The following SLC20A2 variants were observed in gnomAD, a reference collection of about 807,000 sequenced individuals.
SLC20A2 encodes the protein sodium-dependent phosphate transporter 2.
In SLC20A2, 30 loss-of-function variants were observed where a neutral mutation model predicts 61.0. The ratio of observed to expected loss-of-function variants is 0.49; its 90% CI spans 0.37 to 0.67. SLC20A2 has a LOEUF of 0.67. Among genes scored for constraint, SLC20A2 ranks in the 30% least tolerant of loss-of-function variants. The pLI is 0.00. For synonymous variants in SLC20A2, 351 were observed against 353.3 expected (o/e 0.99, Z 0.07); for missense variants, 626 against 866.4 (o/e 0.72, Z 3.48).
rs1300817466 is a variant in SLC20A2, at chr8:42,416,982, ACGGCGTGGCGCATGC to A, written c.*806_*820del. Reference sequence around the variant, plus strand: ...GGCGGTGGCACTGCTGGTGGGAGCCACGGCGTGGCGCATGCTGGGTGACGGTGTCACCGCCACACA... The same window carrying A: ...GGCGGTGGCACTGCTGGTGGGAGCCATGGGTGACGGTGTCACCGCCACACA... On this transcript the variant is annotated 3_prime_UTR_variant, in exon 11 of 11. Coordinates refer to ENST00000520262, the MANE Select transcript of SLC20A2 (RefSeq NM_001257180.2). 6.5e-6 allele frequency: 1 copy of A among 152,702 alleles called. No individual in the cohort carries two copies. Among genetic ancestry groups the A allele is most frequent in the Non-Finnish European group, 1.5e-5 (1 of 68,062 alleles). 9.5% of individuals were successfully genotyped at this position (152,702 alleles called of 1,614,324 possible). A position where few individuals can be genotyped will look rare whatever the true frequency, so the allele number is the denominator to read the frequency against.
At chr8:42,460,023 G>T in intron 4 of SLC20A2, 31 bp from the exon 5 acceptor site, 1 of 1,256,818 alleles carries the variant, frequency 8.0e-7, no homozygotes, top group Non-Finnish European at 1.2e-6. Context: ...AGAGTGGAAG[G>T]TCAGGATCCC....
chr8:42,436,465 G>A (rs1804264375), intron 8 of SLC20A2, among the ~76,000 whole-genome samples: 1 of 152,088 alleles, frequency 6.6e-6, no homozygotes, highest in African/African-American at 2.4e-5. Context: ...CCAGGCCGTC[G>A]TCCAAAGCCA....
intron 1 of SLC20A2, among the ~76,000 whole-genome samples, chr8:42,506,370 A>T (rs1051152904): frequency 1.3e-5 from 2 of 152,208 alleles, no homozygotes; most frequent in Non-Finnish European, 2.9e-5. Context: ...CCTCGCCTGT[A>T]AAATGGGGAT....
chr8:42,469,324 C>T (rs1019277725), intron 2 of SLC20A2, among the ~76,000 whole-genome samples: 2 of 151,026 alleles, frequency 1.3e-5, no homozygotes, highest in Non-Finnish European at 3.0e-5. Context: ...CATTTAACCA[C>T]ATACCAAAAA....
chr8:42,446,619 T>C (rs987051026), intron 5 of SLC20A2, among the ~76,000 whole-genome samples: 3 of 152,218 alleles, frequency 2.0e-5, no homozygotes, highest in African/African-American at 7.2e-5. Flanking sequence ...AGTTGTATGA[T>C]ATACACATGG....
rs764279442 is a variant in SLC20A2 at position 42,463,101 on chromosome 8, A to T, written c.431-11T>A. The T allele has an allele frequency of 4.1e-5, 52 of 1,275,324 alleles. No individual in the cohort carries two copies. Among genetic ancestry groups the T allele is most frequent in the Admixed American group, 7.0e-5 (3 of 42,884 alleles). The allele number at this position is 1,275,324 out of a possible 1,614,324, so 79.0% of individuals were successfully genotyped here. ...TAAACCAAGAAGCAACTGAATAATTAAAAAAAAAATCTAATGAATGTTAAA... is the reference window on the plus strand; with the variant it reads ...TAAACCAAGAAGCAACTGAATAATTTAAAAAAAAATCTAATGAATGTTAAA... On this transcript the variant is annotated splice_polypyrimidine_tract_variant and intron_variant, in intron 3 of 10. Transcript: ENST00000520262.
At chr8:42,434,807 G>C (rs1022530635) in intron 8 of SLC20A2, among the ~76,000 whole-genome samples, 1 of 152,152 alleles carries the variant, frequency 6.6e-6, no homozygotes, top group African/African-American at 2.4e-5. Flanking sequence ...CAATTCTACA[G>C]TCACCCCGAG....
chr8:42,478,644 A>G (rs2131263562), intron 1 of SLC20A2, among the ~76,000 whole-genome samples: 1 of 152,318 alleles, frequency 6.6e-6, no homozygotes, highest in South Asian at 2.1e-4. Flanking sequence ...CACCTTGAGT[A>G]TGGTGGTGGC....
At chr8:42,526,451 A>G (rs1260636847) in intron 1 of SLC20A2, among the ~76,000 whole-genome samples, 1 of 152,066 alleles carries the variant, frequency 6.6e-6, no homozygotes, top group African/African-American at 2.4e-5. Context: ...AGGTGGGCGG[A>G]TCACTAGGTC....
chr8:42,528,160 A>T (rs1031572619), intron 1 of SLC20A2, among the ~76,000 whole-genome samples: 1 of 152,174 alleles, frequency 6.6e-6, no homozygotes, highest in African/African-American at 2.4e-5. Context: ...TCCTTAGCTC[A>T]AAAGAATGTG....
chr8:42,533,932 G>A (rs147130172), intron 1 of SLC20A2, among the ~76,000 whole-genome samples: 27 of 140,428 alleles, frequency 1.9e-4, no homozygotes, highest in Non-Finnish European at 3.4e-4. Flanking sequence ...CACCATGCCC[G>A]GCCCTGTTCG....
upstream of SLC20A2, among the ~76,000 whole-genome samples, chr8:42,504,884 AAAG>A: frequency 6.2e-5 from 9 of 144,210 alleles, no homozygotes; most frequent in Non-Finnish European, 1.1e-4. Context: ...AAAAAAAAAA[AAAG>A]GCATGTTCCA....
At chr8:42,523,146 T>A (rs1455986265) in intron 1 of SLC20A2, among the ~76,000 whole-genome samples, 1 of 151,906 alleles carries the variant, frequency 6.6e-6, no homozygotes, top group Non-Finnish European at 1.5e-5. Flanking sequence ...GCCTGGCCAA[T>A]ATGGTGAAAC....
intron 1 of SLC20A2, among the ~76,000 whole-genome samples, chr8:42,478,702 ACTG>A (rs1285217883): frequency 6.6e-6 from 1 of 152,158 alleles, no homozygotes; most frequent in Non-Finnish European, 1.5e-5. Context: ...TTCACTCACA[ACTG>A]CTGAGCTTTA....
At chr8:42,529,667 A>G (rs574436192) in intron 1 of SLC20A2, among the ~76,000 whole-genome samples, 10 of 152,322 alleles carry the variant, frequency 6.6e-5, no homozygotes, top group African/African-American at 2.2e-4. Context: ...TTCTGCTAAC[A>G]AGACATACAT....
At chr8:42,418,319 A>T (rs191836037) in intron 10 of SLC20A2, among the ~76,000 whole-genome samples, 1 of 152,130 alleles carries the variant, frequency 6.6e-6, no homozygotes, top group Non-Finnish European at 1.5e-5. Context: ...GGCGCATGCC[A>T]TCACCCTTGG....
chr8:42,483,867 T>G (rs1808741845), intron 1 of SLC20A2, among the ~76,000 whole-genome samples: 1 of 152,232 alleles, frequency 6.6e-6, no homozygotes, highest in Non-Finnish European at 1.5e-5. Context: ...CAGTTTAAAA[T>G]GGAACCATGT....
At position 42,417,681 on chromosome 8, in the gene SLC20A2, G is replaced by T; in HGVS notation, c.*122C>A. ...GATGGAGCCTCCTGGAAGGGAGGCA[G>T]AGAGCTGGTCATGAGAGAGCCGTGC... On this transcript the variant is annotated 3_prime_UTR_variant, in exon 11 of 11. Coordinates refer to ENST00000520262, the MANE Select transcript of SLC20A2 (RefSeq NM_001257180.2). The T allele has an allele frequency of 9.3e-7, 1 of 1,078,736 alleles. No individual in the cohort carries two copies. The highest frequency in any genetic ancestry group is 1.3e-6 in the Non-Finnish European group (1 of 742,246). The allele number at this position is 1,078,736 out of a possible 1,614,324, so 66.8% of individuals were successfully genotyped here.
Position 42,471,966 on chromosome 8 carries a change from A to T in SLC20A2, c.289+136T>A. ...AATTAATATGCAGAAAGCAAAAATA[A>T]GAGAGTAAATGTGAAACATCCAACC... On this transcript the variant is annotated intron_variant, in intron 2 of 10. Coordinates refer to ENST00000520262, the MANE Select transcript of SLC20A2 (RefSeq NM_001257180.2). 3 of 715,222 alleles carry T rather than the reference A, an allele frequency of 4.2e-6. No individual in the cohort carries two copies. The Admixed American group carries it at 8.0e-5, about 19-fold the overall frequency. The allele number at this position is 715,222 out of a possible 1,614,324, so 44.3% of individuals were successfully genotyped here.
Sources: gnomAD v4.1 joint callset for allele counts (sites outside exome capture counted in the v4.1 genomes callset) on GRCh38, gnomAD v4.1.1 for gene constraint, MANE v1.5 for transcripts, NCBI Gene and HGNC (gene_info 2026-07-23, HGNC 2026-07-21) for gene names.